SCG3: variants seen among roughly 807,000 people sequenced by gnomAD.
SCG3 encodes the protein secretogranin-3.
In SCG3, 38 loss-of-function variants were observed where a neutral mutation model predicts 56.2. That is an observed-to-expected ratio of 0.68 (90% CI 0.52 to 0.89). The LOEUF (loss-of-function observed/expected upper bound fraction) is 0.89, where lower values mean the gene tolerates loss of function less well. Ranked by LOEUF, SCG3 falls within the 40% of genes least tolerant of loss-of-function variation. The pLI is 0.00. For synonymous variants in SCG3, 176 were observed against 184.2 expected, an observed-to-expected ratio of 0.96 and a Z score of 0.36; for missense variants, 524 against 540.7, an observed-to-expected ratio of 0.97 and a Z score of 0.31.
chr15:51,695,752 C>A (rs192466006), intron 7 of SCG3, 123 bp from the exon 8 acceptor site: 5 of 626,944 alleles, frequency 8.0e-6, no homozygotes, highest in East Asian at 5.4e-5. Flanking sequence ...CACAGTGAGA[C>A]CTCGTCTTTG....
chr15:51,692,856 AT>A (rs1001088865), intron 7 of SCG3, among the ~76,000 whole-genome samples: 2 of 151,480 alleles, frequency 1.3e-5, no homozygotes, highest in East Asian at 1.9e-4. Flanking sequence ...TATAGTTAAC[AT>A]TTTTTTCTTT....
rs562576656 is a variant in SCG3, at chr15:51,683,775, G to A, written c.397+341G>A. Among the ~76,000 whole-genome samples the A allele has an allele frequency of 1.4e-4, 21 of 152,182 alleles. No individual in the cohort carries two copies. In the East Asian group the frequency reaches 3.7e-3, roughly 27 times the overall value. On this transcript the variant is annotated intron_variant, in intron 4 of 11. Transcript: ENST00000220478. ...ATTTTCAAATAATTAGATCAGTAAAGTACCCTCCCACCCTGCACAAAAAAG... is the reference window on the plus strand; with the variant it reads ...ATTTTCAAATAATTAGATCAGTAAAATACCCTCCCACCCTGCACAAAAAAG...
intron 7 of SCG3, chr15:51,693,260 C>T (rs2055280291): frequency 6.6e-6 from 1 of 152,158 alleles, no homozygotes; most frequent in Admixed American, 6.5e-5. Context: ...ACTCACTTTC[C>T]TTAATGGAAA....
chr15:51,695,834 C>A, intron 7 of SCG3, 41 bp from the exon 8 acceptor site: 2 of 1,029,398 alleles, frequency 1.9e-6, no homozygotes, highest in Non-Finnish European at 3.0e-6. Flanking sequence ...AAAGAGGAAG[C>A]TATCCCCCAC....
rs2055492860 is a variant in SCG3, at chr15:51,720,865, G to GA, written c.*1346dup. On this transcript the variant is annotated 3_prime_UTR_variant, in exon 12 of 12. Coordinates refer to ENST00000220478, the MANE Select transcript of SCG3 (RefSeq NM_013243.4). ...AAAGTAGACAATCACAGGGAGGATT[G>GA]AAAAAAAGGGCACTCTGATAGGGCA... 2.2e-5 allele frequency: 4 copies of GA among 182,490 alleles called. No individual in the cohort carries two copies. Among genetic ancestry groups the GA allele is most frequent in the South Asian group, 1.6e-4 (1 of 6,084 alleles). The allele number at this position is 182,490 out of a possible 1,614,324, so 11.3% of individuals were successfully genotyped here.
intron 6 of SCG3, 132 bp from the exon 7 acceptor site, chr15:51,692,027 C>A (rs1384659749): frequency 5.2e-6 from 4 of 776,524 alleles, no homozygotes; most frequent in Non-Finnish European, 8.0e-6. Flanking sequence ...TGGGTTTGAA[C>A]CTGCAGGAGC....
At chr15:51,685,233 A>G (rs1456309881) in intron 4 of SCG3, among the ~76,000 whole-genome samples, 2 of 152,218 alleles carry the variant, frequency 1.3e-5, no homozygotes, top group African/African-American at 4.8e-5. Flanking sequence ...TACCTAAAAT[A>G]TTGGGACTAC....
intron 10 of SCG3, among the ~76,000 whole-genome samples, chr15:51,705,298 T>G (rs1408137978): frequency 6.6e-6 from 1 of 152,174 alleles, no homozygotes. Context: ...CACAGGGCTG[T>G]AGGAATGGGT....
rs763174898 is a variant in SCG3, at chr15:51,695,972, A to G, written c.966A>G (p.Glu322=). 2 of 1,595,844 alleles carry G rather than the reference A, an allele frequency of 1.3e-6. No individual in the cohort carries two copies. Residue 322 remains glutamate, a synonymous_variant, in exon 8 of 12, where the codon GAA becomes GAG. Transcript: ENST00000220478. ...TGAAATATGGAACAATATCTCCAGA[A>G]GAAGGTGTTTCCTACCTTGGTGAGA... ...MMVKYGTISP[E]EGVSYLENLD...
intron 7 of SCG3, among the ~76,000 whole-genome samples, chr15:51,692,634 C>A (rs1402338209): frequency 6.6e-6 from 1 of 152,174 alleles, no homozygotes; most frequent in African/African-American, 2.4e-5. Context: ...TGGAAAAGAC[C>A]TAGCACAAAG....
chr15:51,719,473 A>T lies in SCG3; in HGVS notation c.1354A>T (p.Ile452Phe), dbSNP rs1450554008. Residue 452 changes from isoleucine (I) to phenylalanine (F), a missense_variant, in exon 12 of 12, where the codon ATC becomes TTC. Ile to Phe is a conservative substitution (Grantham distance 21). Transcript: ENST00000220478. ...KQADAYVEKG[I>F]LDKEEAEAIK... is the part of the protein sequence containing the mutation. Reference sequence around the variant, plus strand: ...AGCTGATGCTTATGTGGAGAAAGGCATCCTTGACAAGGAAGAAGCCGAGGC... The same window carrying T: ...AGCTGATGCTTATGTGGAGAAAGGCTTCCTTGACAAGGAAGAAGCCGAGGC... 5 of 1,614,048 alleles carry T rather than the reference A, an allele frequency of 3.1e-6. No homozygotes were observed. The highest frequency in any genetic ancestry group is 4.2e-6 in the Non-Finnish European group (5 of 1,180,012).
In SCG3 at chr15:51,719,619, C is replaced by A; in HGVS notation, c.*93C>A. 1.1e-6 allele frequency: 1 copy of A among 886,592 alleles called. No individual in the cohort carries two copies. The allele number at this position is 886,592 out of a possible 1,614,324, so 54.9% of individuals were successfully genotyped here. ...ATTCTGTGATTAAAATTTTTTGACC[C>A]AAGGGTTATTAGAAAGTGCTGAATT... On this transcript the variant is annotated 3_prime_UTR_variant, in exon 12 of 12. Transcript: ENST00000220478.
At chr15:51,684,349 G>T (rs2055214763) in intron 4 of SCG3, among the ~76,000 whole-genome samples, 1 of 152,180 alleles carries the variant, frequency 6.6e-6, no homozygotes, top group African/African-American at 2.4e-5. Flanking sequence ...CAATGTGGTA[G>T]TTTCCTTACC....
intron 10 of SCG3, among the ~76,000 whole-genome samples, chr15:51,706,319 C>T (rs987574869): frequency 2.6e-5 from 4 of 152,128 alleles, no homozygotes; most frequent in African/African-American, 4.8e-5. Context: ...CCAATTCCTG[C>T]GTTTGAGGAC....
At chr15:51,713,544 CT>C (rs1342036655) in intron 11 of SCG3, 131 bp downstream of exon 11, 1 of 548,840 alleles carries the variant, frequency 1.8e-6, no homozygotes, top group African/African-American at 2.0e-5. Context: ...CTGAAGTCAC[CT>C]GTCAGATACA....
At chr15:51,692,998 T>G (rs757429350) in intron 7 of SCG3, among the ~76,000 whole-genome samples, 1 of 152,226 alleles carries the variant, frequency 6.6e-6, no homozygotes, top group Non-Finnish European at 1.5e-5. Flanking sequence ...TGTATTCATC[T>G]TGCATAACTG....
intron 10 of SCG3, among the ~76,000 whole-genome samples, chr15:51,705,723 T>G (rs1464813956): frequency 6.6e-6 from 1 of 152,150 alleles, no homozygotes; most frequent in African/African-American, 2.4e-5. Context: ...GGTTTCACCA[T>G]GTTGGCCAGG....
At chr15:51,706,525 C>T (rs2055376949) in intron 10 of SCG3, among the ~76,000 whole-genome samples, 1 of 152,118 alleles carries the variant, frequency 6.6e-6, no homozygotes, top group Non-Finnish European at 1.5e-5. Flanking sequence ...GCTAAAACCA[C>T]TTAAGGAAAT....
At chr15:51,681,932 C>A in intron 1 of SCG3, 95 bp downstream of exon 1, 2 of 907,518 alleles carry the variant, frequency 2.2e-6, no homozygotes, top group Non-Finnish European at 3.6e-6. Flanking sequence ...CACCCTGACG[C>A]GTTTTCTGAT....
Sources: gnomAD v4.1 joint callset for allele counts (sites outside exome capture counted in the v4.1 genomes callset) on GRCh38, gnomAD v4.1.1 for gene constraint, MANE v1.5 for transcripts, NCBI Gene and HGNC (gene_info 2026-07-23, HGNC 2026-07-21) for gene names.